NALF1: variants seen among roughly 807,000 people sequenced by gnomAD.
The protein encoded by NALF1 is family with sequence similarity 155 member A.
A neutral mutation model predicts 48.4 loss-of-function variants in NALF1; 3 were observed. That is an observed-to-expected ratio of 0.06 (90% confidence interval 0.03 to 0.16). The LOEUF (loss-of-function observed/expected upper bound fraction) is 0.16. NALF1 is among the 10% of genes least tolerant of loss of function. The pLI, the probability that NALF1 is intolerant of heterozygous loss-of-function variation, is 1.00. For synonymous variants in NALF1, 262 were observed against 245.7 expected, an observed-to-expected ratio of 1.07 and a Z score of -0.62; for missense variants, 526 against 571.5, an observed-to-expected ratio of 0.92 and a Z score of 0.81.
chr13:107,414,015 G>T (rs12869905), intron 1 of NALF1, among the ~76,000 whole-genome samples: 32,965 of 152,056 alleles, frequency 0.22, 4,046 homozygotes, highest in Middle Eastern at 0.28. Context: ...TGGAACTCCT[G>T]ACCTCAGGTG....
intron 1 of NALF1, among the ~76,000 whole-genome samples, chr13:107,386,599 TGTG>T (rs1883534990): frequency 2.6e-5 from 4 of 152,210 alleles, no homozygotes; most frequent in Admixed American, 1.3e-4. Context: ...TAGCTAACTG[TGTG>T]ATCCTTGACA....
rs142798482 is a variant in NALF1 at position 107,520,648 on chromosome 13, T to C, written c.916-309893A>G. Among the ~76,000 whole-genome samples, 82 of 152,352 alleles carry C rather than the reference T, an allele frequency of 5.4e-4. 1 individual carries two copies. In the South Asian group the frequency reaches 9.1e-3, roughly 17 times the overall value. ...GTTTATTCACCCAATCATTAATTTA[T>C]CCAACCCTTATGATGTGATTCTCAA... On this transcript the variant is annotated intron_variant, in intron 1 of 2. Transcript: ENST00000375915.
chr13:107,525,594 T>A (rs1347135481), intron 1 of NALF1, among the ~76,000 whole-genome samples: 1 of 152,150 alleles, frequency 6.6e-6, no homozygotes, highest in Admixed American at 6.6e-5. Context: ...AACTTTGGTA[T>A]AAACATATAT....
Position 107,175,106 on chromosome 13 carries a change from T to C in NALF1, c.1088-4320A>G, listed in dbSNP as rs2769909. 1.9e-3 allele frequency among the ~76,000 whole-genome samples: 245 copies of C among 131,700 alleles called. 6 individuals are homozygous for C. The East Asian group carries it at 0.051, about 28-fold the overall frequency. The allele number at this position is 131,700 out of a possible 152,430, so 86.4% of individuals were successfully genotyped here. On this transcript the variant is annotated intron_variant, in intron 2 of 2. Coordinates refer to ENST00000375915, the MANE Select transcript of NALF1 (RefSeq NM_001080396.3). ...GGGTTTCATCGTGTTAGCCAGGATG[T>C]TCTCGATCTCCTGACCTCGTGATCT...
intron 1 of NALF1, among the ~76,000 whole-genome samples, chr13:107,453,872 T>C (rs1489824690): frequency 2.6e-5 from 4 of 152,200 alleles, no homozygotes; most frequent in Non-Finnish European, 4.4e-5. Flanking sequence ...GCTTTGCTGC[T>C]TAGGAATTTC....
intron 1 of NALF1, among the ~76,000 whole-genome samples, chr13:107,332,825 T>G (rs1013897163): frequency 1.3e-5 from 2 of 152,012 alleles, no homozygotes; most frequent in African/African-American, 4.8e-5. Flanking sequence ...ACATTCTTTT[T>G]TTGTTTGTTT....
At chr13:107,744,887 A>C (rs553108797) in intron 1 of NALF1, among the ~76,000 whole-genome samples, 3 of 152,238 alleles carry the variant, frequency 2.0e-5, no homozygotes, top group Non-Finnish European at 4.4e-5. Flanking sequence ...TTAACCAAAA[A>C]TATCTGTTTA....
intron 1 of NALF1, among the ~76,000 whole-genome samples, chr13:107,351,645 C>A (rs1882877527): frequency 6.6e-6 from 1 of 152,184 alleles, no homozygotes; most frequent in South Asian, 2.1e-4. Flanking sequence ...ATAAAAGCTT[C>A]CCTCTATCCT....
chr13:107,282,583 G>A (rs1040669633), intron 1 of NALF1, among the ~76,000 whole-genome samples: 2 of 152,162 alleles, frequency 1.3e-5, no homozygotes, highest in East Asian at 1.9e-4. Flanking sequence ...GACAGAGTGC[G>A]ACTTCTCAGG....
At chr13:107,382,113 T>C (rs911931669) in intron 1 of NALF1, among the ~76,000 whole-genome samples, 3 of 152,240 alleles carry the variant, frequency 2.0e-5, no homozygotes, top group African/African-American at 7.2e-5. Flanking sequence ...TACCCCCTCA[T>C]TTCATTTCCT....
Position 107,865,709 on chromosome 13 carries a change from C to G in NALF1, c.888G>C (p.Ser296=), listed in dbSNP as rs1430888796. 2 of 1,613,954 alleles carry G rather than the reference C, an allele frequency of 1.2e-6. No homozygotes were observed. Among genetic ancestry groups the G allele is most frequent in the Admixed American group, 1.7e-5 (1 of 60,012 alleles). Residue 296 remains serine (S), a synonymous_variant, in exon 1 of 3, where the codon TCG becomes TCC. Transcript: ENST00000375915. ...LHKYLQSEEY[S]VKSCPEDCKI... is the part of the protein sequence containing the mutation. ...TACAGTCTTCAGGACAGGATTTCAC[C>G]GAGTACTCCTCCGACTGTAAATATT...
At chr13:107,659,230 A>T (rs1048344869) in intron 1 of NALF1, among the ~76,000 whole-genome samples, 1 of 152,046 alleles carries the variant, frequency 6.6e-6, no homozygotes, top group African/African-American at 2.4e-5. Context: ...GCCACCCACC[A>T]GGGTGAATCA....
intron 2 of NALF1, among the ~76,000 whole-genome samples, chr13:107,205,347 A>G (rs945197039): frequency 1.3e-5 from 2 of 152,176 alleles, no homozygotes; most frequent in African/African-American, 4.8e-5. Flanking sequence ...TCACAAGTAA[A>G]CCGTGAGATG....
chr13:107,451,811 C>T (rs1347613091), intron 1 of NALF1, among the ~76,000 whole-genome samples: 1 of 152,172 alleles, frequency 6.6e-6, no homozygotes, highest in Non-Finnish European at 1.5e-5. Flanking sequence ...GATACTTCTG[C>T]TCTACTAAGA....
At chr13:107,497,852 A>C (rs1875390251) in intron 1 of NALF1, among the ~76,000 whole-genome samples, 1 of 152,172 alleles carries the variant, frequency 6.6e-6, no homozygotes, top group South Asian at 2.1e-4. Context: ...GCTGCATCTG[A>C]TAATTAAATA....
chr13:107,567,256 CCATA>C (rs1877840564), intron 1 of NALF1, among the ~76,000 whole-genome samples: 1 of 152,030 alleles, frequency 6.6e-6, no homozygotes, highest in Non-Finnish European at 1.5e-5. Flanking sequence ...AGATTCTTCC[CCATA>C]CTTACCAAAA....
chr13:107,780,648 A>G (rs989749073), intron 1 of NALF1, among the ~76,000 whole-genome samples: 3 of 151,844 alleles, frequency 2.0e-5, no homozygotes, highest in East Asian at 2.0e-4. Flanking sequence ...ACAGGCGCCC[A>G]CCAACAGTGG....
At chr13:107,216,228 C>T (rs1230349722) in intron 1 of NALF1, among the ~76,000 whole-genome samples, 1 of 152,240 alleles carries the variant, frequency 6.6e-6, no homozygotes, top group Non-Finnish European at 1.5e-5. Flanking sequence ...TAGTCTGCGA[C>T]AGCAACCGCC....
chr13:107,256,122 C>T (rs1253748604), intron 1 of NALF1, among the ~76,000 whole-genome samples: 5 of 152,064 alleles, frequency 3.3e-5, no homozygotes, highest in Non-Finnish European at 5.9e-5. Context: ...TGAAAACAGA[C>T]GTTATTAAAA....
Sources: allele counts gnomAD v4.1 joint callset (sites outside exome capture counted in the v4.1 genomes callset), GRCh38; gene constraint gnomAD v4.1.1; transcripts MANE v1.5; gene names NCBI Gene and HGNC (gene_info 2026-07-23, HGNC 2026-07-21).